Variants in SLC23A2 observed in about 807,000 individuals in gnomAD.
SLC23A2 encodes the protein solute carrier family 23 member 2.
A neutral mutation model predicts 73.3 loss-of-function variants in SLC23A2; 36 were observed. The observed-to-expected ratio is 0.49, with a 90% CI of 0.38 to 0.65. SLC23A2 has a LOEUF of 0.65. SLC23A2 is among the 30% of genes least tolerant of loss of function. The pLI is 0.00. For synonymous variants in SLC23A2, 343 were observed against 327.3 expected, an observed-to-expected ratio of 1.05 and a Z score of -0.52; for missense variants, 507 against 841.6, an observed-to-expected ratio of 0.60 and a Z score of 4.92.
chr20:4,861,532 T>G (rs1274602537), intron 15 of SLC23A2, among the ~76,000 whole-genome samples: 1 of 152,210 alleles, frequency 6.6e-6, no homozygotes, highest in East Asian at 1.9e-4. Context: ...TAATCTTGAA[T>G]GCACAAGCCA....
chr20:4,977,437 C>T (rs2087660053), intron 1 of SLC23A2, among the ~76,000 whole-genome samples: 1 of 151,960 alleles, frequency 6.6e-6, no homozygotes, highest in Admixed American at 6.6e-5. Flanking sequence ...GCCTGTACTC[C>T]CAGCACTTTG....
chr20:4,858,118 A>G (rs191663921), intron 16 of SLC23A2, among the ~76,000 whole-genome samples: 190 of 152,186 alleles, frequency 1.2e-3, no homozygotes, highest in African/African-American at 4.2e-3. Flanking sequence ...CCCCATCTAG[A>G]CAGACCCACA....
chr20:4,997,364 TC>T (rs1336584593), intron 1 of SLC23A2, among the ~76,000 whole-genome samples: 3 of 152,030 alleles, frequency 2.0e-5, no homozygotes, highest in Non-Finnish European at 4.4e-5. Flanking sequence ...TCTCCCCTCC[TC>T]CTGCCTCAGG....
In SLC23A2 at chr20:4,862,263, C is replaced by CA. The variant is rs1398257417; in HGVS notation, c.1487-179dup. Among the ~76,000 whole-genome samples, 6 of 152,300 alleles carry CA rather than the reference C, an allele frequency of 3.9e-5. No homozygotes were observed. The East Asian group carries it at 1.2e-3, about 29-fold the overall frequency. The stretch of plus-strand genomic sequence containing the variant: ...ACTGTAGCCACCCTGCGCTCTGAGC[C>CA]AAATGACCCTCGGCGTACGCGCTAT... On this transcript the variant is annotated intron_variant, in intron 14 of 16. Coordinates refer to ENST00000338244, the MANE Select transcript of SLC23A2 (RefSeq NM_005116.6). The surrounding 1 kb of genome is among the most constrained non-coding windows in gnomAD (Gnocchi z 5.1).
chr20:4,994,601 G>A lies in SLC23A2; in HGVS notation c.-282+6805C>T, dbSNP rs569612099. Among the ~76,000 whole-genome samples the A allele has an allele frequency of 7.2e-5, 11 of 152,116 alleles. No homozygotes were observed. In the East Asian group the frequency reaches 7.7e-4, roughly 11 times the overall value. ...AGTTCGAGACCAGCCTGAACAATACGGTGAAACCCCGTCTCTACTAAAAAT... is the reference window on the plus strand; with the variant it reads ...AGTTCGAGACCAGCCTGAACAATACAGTGAAACCCCGTCTCTACTAAAAAT... On this transcript the variant is annotated intron_variant, in intron 1 of 16. Transcript: ENST00000338244.
chr20:4,891,107 G>A (rs1202785113), intron 6 of SLC23A2, among the ~76,000 whole-genome samples: 1 of 142,228 alleles, frequency 7.0e-6, no homozygotes, highest in Non-Finnish European at 1.6e-5. Context: ...GTGTAGAGCT[G>A]CTTTTGCCAG....
At chr20:5,000,240 T>TG (rs778395901) in intron 1 of SLC23A2, among the ~76,000 whole-genome samples, 2 of 152,026 alleles carry the variant, frequency 1.3e-5, no homozygotes, top group Non-Finnish European at 2.9e-5. Flanking sequence ...CCTGCAACGG[T>TG]GAAAAAGGCA....
At chr20:4,903,846 C>T (rs572589798) in intron 4 of SLC23A2, among the ~76,000 whole-genome samples, 34 of 152,284 alleles carry the variant, frequency 2.2e-4, no homozygotes, top group African/African-American at 7.7e-4. Context: ...AGAAAAAGTA[C>T]GTATGTGTCT....
chr20:4,937,523 C>T (rs1161501873), intron 2 of SLC23A2, among the ~76,000 whole-genome samples: 2 of 152,118 alleles, frequency 1.3e-5, no homozygotes, highest in Non-Finnish European at 2.9e-5. Context: ...TCTCTGACCT[C>T]TTATTAAATA....
intron 1 of SLC23A2, among the ~76,000 whole-genome samples, chr20:4,985,811 C>A (rs114100904): frequency 6.6e-6 from 1 of 151,994 alleles, no homozygotes; most frequent in Non-Finnish European, 1.5e-5. Context: ...AAACAGACTG[C>A]GGATTAGTGT....
intron 1 of SLC23A2, among the ~76,000 whole-genome samples, chr20:4,987,395 G>A (rs867218519): frequency 6.6e-6 from 1 of 152,104 alleles, no homozygotes; most frequent in East Asian, 1.9e-4. Context: ...CCTGAAGAAC[G>A]ATCACTCGTG....
intron 2 of SLC23A2, among the ~76,000 whole-genome samples, chr20:4,939,132 G>GTCTA (rs1428424570): frequency 6.6e-6 from 1 of 152,214 alleles, no homozygotes; most frequent in African/African-American, 2.4e-5. Context: ...GCAAGATCAT[G>GTCTA]TCTATCTGTC....
chr20:4,917,099 G>T lies in SLC23A2; in HGVS notation c.109-4121C>A, dbSNP rs553402627. Among the ~76,000 whole-genome samples the T allele has an allele frequency of 3.9e-5, 6 of 152,294 alleles. No individual in the cohort carries two copies. In the East Asian group the frequency reaches 1.2e-3, roughly 29 times the overall value. Reference sequence around the variant, plus strand: ...AGAATGCAGTCCTGCCTCCCTGCAGGAGCTCAGTCCAGACTGAGTGCCCCG... The same window carrying T: ...AGAATGCAGTCCTGCCTCCCTGCAGTAGCTCAGTCCAGACTGAGTGCCCCG... On this transcript the variant is annotated intron_variant, in intron 3 of 16. Transcript: ENST00000338244.
At chr20:4,871,834 A>G (rs1314384128) in intron 11 of SLC23A2, among the ~76,000 whole-genome samples, 1 of 152,094 alleles carries the variant, frequency 6.6e-6, no homozygotes, top group Non-Finnish European at 1.5e-5. Flanking sequence ...ACCAAGGAAC[A>G]TTTTGCTTTT....
chr20:4,871,064 A>G (rs1173303503), intron 11 of SLC23A2, among the ~76,000 whole-genome samples: 3 of 152,244 alleles, frequency 2.0e-5, no homozygotes, highest in Non-Finnish European at 4.4e-5. Flanking sequence ...TAACAAAAAT[A>G]GCATGGGTCT....
rs568478280 is a variant in SLC23A2, at chr20:4,872,379, C to T, written c.1102+1557G>A. On this transcript the variant is annotated intron_variant, in intron 11 of 16. Transcript: ENST00000338244. This position sits in a 1 kb window ranked among gnomAD's most constrained non-coding sequence, Gnocchi z 4.4. Reference sequence around the variant, plus strand: ...GGAGCCCTACGTGCTCGCTCACGGCCAGCACAACCTCAGGCGCTCTGTCTA... The same window carrying T: ...GGAGCCCTACGTGCTCGCTCACGGCTAGCACAACCTCAGGCGCTCTGTCTA... Among the ~76,000 whole-genome samples, 1 of 152,318 alleles carries T rather than the reference C, an allele frequency of 6.6e-6. No homozygotes were observed. The highest frequency in any genetic ancestry group is 1.9e-4 in the East Asian group (1 of 5,180).
chr20:4,894,415 A>G (rs999044753), intron 6 of SLC23A2, among the ~76,000 whole-genome samples: 1 of 152,202 alleles, frequency 6.6e-6, no homozygotes, highest in Non-Finnish European at 1.5e-5. Context: ...AGAAAAGGAA[A>G]ACTTTCATGC....
chr20:4,953,627 GTCTGTAATCT>G (rs1382680065), intron 2 of SLC23A2, among the ~76,000 whole-genome samples: 1 of 152,090 alleles, frequency 6.6e-6, no homozygotes, highest in East Asian at 1.9e-4. Flanking sequence ...AGTGGCTCAC[GTCTGTAATCT>G]TAGCACTTTG....
At chr20:4,896,678 C>A (rs995761654) in intron 6 of SLC23A2, among the ~76,000 whole-genome samples, 1 of 152,188 alleles carries the variant, frequency 6.6e-6, no homozygotes, top group Admixed American at 6.5e-5. Flanking sequence ...CTATCCCACA[C>A]CCCTGAGGCT....
Sources: gnomAD v4.1 joint callset for allele counts (sites outside exome capture counted in the v4.1 genomes callset) on GRCh38, gnomAD v4.1.1 for gene constraint, Gnocchi (gnomAD v3.1) non-coding constraint, MANE v1.5 for transcripts, NCBI Gene and HGNC (gene_info 2026-07-23, HGNC 2026-07-21) for gene names.